GABRG3: variants seen among roughly 807,000 people sequenced by gnomAD.
The protein encoded by GABRG3 is gamma-aminobutyric acid receptor subunit gamma-3.
GABRG3 carries 25 observed loss-of-function variants against 48.8 expected under a neutral mutation model. That is an observed-to-expected ratio of 0.51 (90% CI 0.37 to 0.72). The LOEUF (loss-of-function observed/expected upper bound fraction) is 0.72, where lower values mean the gene tolerates loss of function less well. Ranked by LOEUF, GABRG3 falls within the 30% of genes least tolerant of loss-of-function variation. The pLI, the probability that GABRG3 is intolerant of heterozygous loss-of-function variation, is 0.00. For missense variants in GABRG3, 394 were observed against 577.9 expected, an observed-to-expected ratio of 0.68 and a Z score of 3.26; for synonymous variants, 227 against 217.6, an observed-to-expected ratio of 1.04 and a Z score of -0.38.
intron 3 of GABRG3, among the ~76,000 whole-genome samples, chr15:27,285,865 A>G (rs1427980311): frequency 6.6e-6 from 1 of 152,196 alleles, no homozygotes; most frequent in East Asian, 1.9e-4. Context: ...ACTTCTGCTC[A>G]AGTAGCAGTT....
chr15:27,305,137 C>T (rs1892352305), intron 3 of GABRG3, among the ~76,000 whole-genome samples: 1 of 151,820 alleles, frequency 6.6e-6, no homozygotes, highest in Non-Finnish European at 1.5e-5. Context: ...AGTCCAGTAT[C>T]ATTCCAATGT....
At chr15:27,133,105 ATT>A (rs887254847) in intron 3 of GABRG3, among the ~76,000 whole-genome samples, 2 of 151,528 alleles carry the variant, frequency 1.3e-5, no homozygotes, top group African/African-American at 4.8e-5. Context: ...CATATTTGTG[ATT>A]TTTTAAGTTT....
At chr15:27,055,405 A>T (rs961918583) in intron 3 of GABRG3, among the ~76,000 whole-genome samples, 5 of 152,202 alleles carry the variant, frequency 3.3e-5, no homozygotes, top group African/African-American at 1.2e-4. Flanking sequence ...TCAAAAGGAG[A>T]TAATGGAAGA....
At chr15:27,353,426 C>CTATTTATTTATT (rs59969384) in intron 5 of GABRG3, among the ~76,000 whole-genome samples, 26,027 of 145,990 alleles carry the variant, frequency 0.18, 2,578 homozygotes, top group Middle Eastern at 0.26. Context: ...TTCTTTCTTT[C>CTATTTATTTATT]TATTTATTTA....
intron 5 of GABRG3, among the ~76,000 whole-genome samples, chr15:27,437,844 T>C (rs1359494228): frequency 1.3e-5 from 2 of 152,170 alleles, no homozygotes; most frequent in Admixed American, 6.5e-5. Context: ...CTTCCACTTA[T>C]AGCAGAAGGT....
At chr15:26,994,460 A>G (rs1895304107) in intron 2 of GABRG3, among the ~76,000 whole-genome samples, 1 of 152,104 alleles carries the variant, frequency 6.6e-6, no homozygotes, top group South Asian at 2.1e-4. Context: ...AAAAAAATGC[A>G]TGCAAAAGGA....
At chr15:27,434,199 A>G (rs1370969616) in intron 5 of GABRG3, among the ~76,000 whole-genome samples, 1 of 152,264 alleles carries the variant, frequency 6.6e-6, no homozygotes, top group Non-Finnish European at 1.5e-5. Context: ...AATGCACAGC[A>G]TATTGATGCA....
rs997098713 is a variant in GABRG3, at chr15:27,199,198, A to G, written c.271-127611A>G. On this transcript the variant is annotated intron_variant, in intron 3 of 9. Coordinates refer to ENST00000615808, the MANE Select transcript of GABRG3 (RefSeq NM_033223.5). ...CAAAGGTTACTGGAACAAACGAACC[A>G]CGTATTGACAGACTGCTTTGTTTTT... 6.6e-5 allele frequency among the ~76,000 whole-genome samples: 10 copies of G among 152,322 alleles called. No individual in the cohort carries two copies. The East Asian group carries it at 1.9e-3, about 29-fold the overall frequency.
intron 6 of GABRG3, among the ~76,000 whole-genome samples, chr15:27,503,354 C>T (rs939519782): frequency 2.6e-5 from 4 of 152,160 alleles, no homozygotes; most frequent in African/African-American, 4.8e-5. Context: ...CAAAACATTT[C>T]GATCACCACA....
intron 5 of GABRG3, among the ~76,000 whole-genome samples, chr15:27,475,555 G>A (rs540379065): frequency 6.6e-6 from 1 of 151,862 alleles, no homozygotes; most frequent in Non-Finnish European, 1.5e-5. Context: ...GATGATGATG[G>A]TATGATGATA....
chr15:27,306,990 GTTTATA>G (rs1892556351), intron 3 of GABRG3, among the ~76,000 whole-genome samples: 1 of 109,692 alleles, frequency 9.1e-6, no homozygotes, highest in African/African-American at 4.3e-5. Context: ...ATATAAACAT[GTTTATA>G]TATAAACATG....
chr15:27,512,777 G>T (rs1374772826), intron 6 of GABRG3, among the ~76,000 whole-genome samples: 2 of 152,234 alleles, frequency 1.3e-5, no homozygotes, highest in East Asian at 3.9e-4. Context: ...AGATGGCCAG[G>T]GGCTCCAGAA....
chr15:27,047,259 A>T (rs1397121628), intron 3 of GABRG3, among the ~76,000 whole-genome samples: 1 of 152,214 alleles, frequency 6.6e-6, no homozygotes, highest in Non-Finnish European at 1.5e-5. Flanking sequence ...GAGAATTAGC[A>T]GTCCAGGGTG....
At chr15:27,524,402 A>G (rs1201357375) in intron 7 of GABRG3, among the ~76,000 whole-genome samples, 1 of 152,122 alleles carries the variant, frequency 6.6e-6, no homozygotes, top group Non-Finnish European at 1.5e-5. Context: ...GAAAATGATG[A>G]GAAGAAATTT....
intron 5 of GABRG3, among the ~76,000 whole-genome samples, chr15:27,434,054 C>T (rs147105435): frequency 1.6e-4 from 24 of 152,256 alleles, no homozygotes; most frequent in Admixed American, 3.3e-4. Context: ...ATGGAAAGGC[C>T]GTGATCTGAC....
At chr15:27,067,966 A>G (rs573485043) in intron 3 of GABRG3, among the ~76,000 whole-genome samples, 3 of 152,208 alleles carry the variant, frequency 2.0e-5, no homozygotes, top group Non-Finnish European at 4.4e-5. Context: ...GCATTGGAGT[A>G]GAGAAGGCTT....
At chr15:27,510,813 C>T (rs1237423532) in intron 6 of GABRG3, among the ~76,000 whole-genome samples, 3 of 152,144 alleles carry the variant, frequency 2.0e-5, no homozygotes, top group Admixed American at 6.5e-5. Context: ...CGTTACTTTA[C>T]GGTTAAACAG....
chr15:27,520,520 A>G (rs1236918207), intron 7 of GABRG3, among the ~76,000 whole-genome samples: 1 of 150,984 alleles, frequency 6.6e-6, no homozygotes, highest in Non-Finnish European at 1.5e-5. Flanking sequence ...TAGTTGATCA[A>G]TAATTGAAGC....
chr15:27,042,747 C>T (rs1485157652), intron 3 of GABRG3, among the ~76,000 whole-genome samples: 1 of 152,240 alleles, frequency 6.6e-6, no homozygotes, highest in Non-Finnish European at 1.5e-5. Flanking sequence ...TGCTCCCTCC[C>T]ATGGGAATGC....
Sources: allele counts gnomAD v4.1 joint callset (sites outside exome capture counted in the v4.1 genomes callset), GRCh38; gene constraint gnomAD v4.1.1; transcripts MANE v1.5; gene names NCBI Gene and HGNC (gene_info 2026-07-23, HGNC 2026-07-21).